GPM6A: variants seen among roughly 807,000 people sequenced by gnomAD.
GPM6A encodes glycoprotein M6A.
In GPM6A, 7 loss-of-function variants were observed where a neutral mutation model predicts 32.1. That is an observed-to-expected ratio of 0.22 (90% CI 0.12 to 0.41). GPM6A has a LOEUF of 0.41. Among genes scored for constraint, GPM6A ranks in the 10% least tolerant of loss-of-function variants. The pLI, the probability that GPM6A is intolerant of heterozygous loss-of-function variation, is 1.00. For synonymous variants in GPM6A, 130 were observed against 123.4 expected, an observed-to-expected ratio of 1.05 and a Z score of -0.35; for missense variants, 235 against 347.2, an observed-to-expected ratio of 0.68 and a Z score of 2.57.
chr4:175,647,970 T>G (rs1560850012), intron 4 of GPM6A, among the ~76,000 whole-genome samples: 1 of 152,162 alleles, frequency 6.6e-6, no homozygotes, highest in South Asian at 2.1e-4. Context: ...GCCTTCTCTT[T>G]CTTTCAAATC....
intron 1 of GPM6A, among the ~76,000 whole-genome samples, chr4:175,736,050 G>A (rs1295711243): frequency 6.6e-6 from 1 of 152,058 alleles, no homozygotes; most frequent in African/African-American, 2.4e-5. Flanking sequence ...TTTAGAAACA[G>A]GATCTCACTC....
intron 1 of GPM6A, among the ~76,000 whole-genome samples, chr4:175,819,421 G>C (rs1481079009): frequency 6.6e-6 from 1 of 152,176 alleles, no homozygotes; most frequent in African/African-American, 2.4e-5. Context: ...AGCAAAGATG[G>C]AAGAGAGAGA....
chr4:175,836,352 A>G (rs192384742), intron 1 of GPM6A, among the ~76,000 whole-genome samples: 344 of 152,288 alleles, frequency 2.3e-3, no homozygotes, highest in Middle Eastern at 0.02. Flanking sequence ...ACCACATGTC[A>G]GAAATTTTTT....
chr4:175,899,610 A>C (rs959338674), intron 1 of GPM6A, among the ~76,000 whole-genome samples: 1 of 152,180 alleles, frequency 6.6e-6, no homozygotes, highest in Non-Finnish European at 1.5e-5. Flanking sequence ...TGCCAAGAAC[A>C]TACACTTGGG....
At chr4:175,991,776 T>C (rs1741152403) in intron 1 of GPM6A, among the ~76,000 whole-genome samples, 1 of 152,126 alleles carries the variant, frequency 6.6e-6, no homozygotes, top group Admixed American at 6.6e-5. Context: ...ATCTGTTCCA[T>C]GCCCTGATAT....
intron 3 of GPM6A, among the ~76,000 whole-genome samples, chr4:175,659,446 G>A (rs1264396510): frequency 1.3e-5 from 2 of 152,100 alleles, no homozygotes; most frequent in African/African-American, 2.4e-5. Context: ...GTATTACTAT[G>A]TATTGTTACT....
At chr4:175,741,657 G>A (rs1339279617) in intron 1 of GPM6A, among the ~76,000 whole-genome samples, 2 of 151,994 alleles carry the variant, frequency 1.3e-5, no homozygotes, top group African/African-American at 2.4e-5. Flanking sequence ...ACACTTGTGG[G>A]TTTGCATTGT....
intron 1 of GPM6A, among the ~76,000 whole-genome samples, chr4:175,902,040 G>A (rs1737985891): frequency 6.6e-6 from 1 of 152,084 alleles, no homozygotes; most frequent in Non-Finnish European, 1.5e-5. Flanking sequence ...AAAAGATGTG[G>A]ACAAGAATGT....
intron 3 of GPM6A, among the ~76,000 whole-genome samples, chr4:175,657,907 T>C (rs928749241): frequency 1.3e-5 from 2 of 152,056 alleles, no homozygotes; most frequent in African/African-American, 2.4e-5. Flanking sequence ...GAACATACTA[T>C]CACTACAACT....
chr4:175,754,374 C>A (rs1235528479), intron 1 of GPM6A, among the ~76,000 whole-genome samples: 1 of 152,060 alleles, frequency 6.6e-6, no homozygotes, highest in Non-Finnish European at 1.5e-5. Flanking sequence ...AAAAGTAGAT[C>A]CTTTTGATCC....
At chr4:175,924,087 T>C (rs1738755669) in intron 1 of GPM6A, among the ~76,000 whole-genome samples, 1 of 152,228 alleles carries the variant, frequency 6.6e-6, no homozygotes, top group African/African-American at 2.4e-5. Flanking sequence ...TTGGTAGCTC[T>C]CTACTTTCTA....
At chr4:175,641,447 G>T (rs1186652513) in intron 4 of GPM6A, 1 of 152,172 alleles carries the variant, frequency 6.6e-6, no homozygotes, top group Non-Finnish European at 1.5e-5. Context: ...TGAATATTAG[G>T]CCTAGAACAC....
At chr4:175,797,502 T>C (rs1429564007) in intron 1 of GPM6A, among the ~76,000 whole-genome samples, 3 of 152,186 alleles carry the variant, frequency 2.0e-5, no homozygotes, top group Admixed American at 6.5e-5. Flanking sequence ...GTAACTGTTT[T>C]ATTGTTACAT....
At chr4:175,907,512 C>A (rs1738167801) in intron 1 of GPM6A, among the ~76,000 whole-genome samples, 1 of 152,138 alleles carries the variant, frequency 6.6e-6, no homozygotes, top group Non-Finnish European at 1.5e-5. Flanking sequence ...CATCAAAAAT[C>A]AAAACTGTGG....
chr4:175,866,325 T>C (rs1246290686), intron 1 of GPM6A, among the ~76,000 whole-genome samples: 1 of 152,134 alleles, frequency 6.6e-6, no homozygotes, highest in Non-Finnish European at 1.5e-5. Context: ...TTGCTCTTGG[T>C]GTGGCACATG....
chr4:175,906,690 C>G (rs1159424360), intron 1 of GPM6A: 1 of 151,974 alleles, frequency 6.6e-6, no homozygotes, highest in African/African-American at 2.4e-5. Context: ...CTAATGAGTC[C>G]AATCCGATAC....
chr4:175,743,412 C>CAAACTAATA (rs1183848397), intron 1 of GPM6A, among the ~76,000 whole-genome samples: 5 of 151,578 alleles, frequency 3.3e-5, no homozygotes, highest in Non-Finnish European at 7.4e-5. Flanking sequence ...TTAATACTAA[C>CAAACTAATA]AAACTAATAA....
At chr4:175,836,721 T>C (rs1050200471) in intron 1 of GPM6A, among the ~76,000 whole-genome samples, 2 of 147,780 alleles carry the variant, frequency 1.4e-5, no homozygotes, top group African/African-American at 5.0e-5. Context: ...AAAAAAAAAA[T>C]AGAAGGGAAA....
intron 1 of GPM6A, among the ~76,000 whole-genome samples, chr4:175,833,172 C>T (rs1240197968): frequency 1.3e-5 from 2 of 151,980 alleles, no homozygotes; most frequent in Admixed American, 6.6e-5. Context: ...TAACAAAAAG[C>T]AAAAATATCA....
Sources: gnomAD v4.1 joint callset for allele counts (sites outside exome capture counted in the v4.1 genomes callset) on GRCh38, gnomAD v4.1.1 for gene constraint, MANE v1.5 for transcripts, NCBI Gene and HGNC (gene_info 2026-07-23, HGNC 2026-07-21) for gene names.